The following RET variants were observed in gnomAD, a reference collection of about 807,000 sequenced individuals.
RET encodes the protein proto-oncogene tyrosine-protein kinase receptor Ret.
A neutral mutation model predicts 118.3 loss-of-function variants in RET; 19 were observed. That is an observed-to-expected ratio of 0.16 (90% confidence interval 0.11 to 0.24). The LOEUF is 0.24. Among genes scored for constraint, RET ranks in the 10% least tolerant of loss-of-function variants. The pLI, the probability that RET is intolerant of heterozygous loss-of-function variation, is 1.00. For synonymous variants in RET, 597 were observed against 644.1 expected, an observed-to-expected ratio of 0.93 and a Z score of 1.11; for missense variants, 1,219 against 1,502.1, an observed-to-expected ratio of 0.81 and a Z score of 3.12.
At chr10:43,127,525 C>A in intron 19 of RET, 4 of 986,386 alleles carry the variant, frequency 4.1e-6, no homozygotes, top group Non-Finnish European at 4.9e-6. Context: ...CTAACTTCAT[C>A]ATTGATTGTT....
intron 1 of RET, among the ~76,000 whole-genome samples, chr10:43,095,278 G>C (rs1191931875): frequency 6.6e-6 from 1 of 152,116 alleles, no homozygotes; most frequent in Non-Finnish European, 1.5e-5. Flanking sequence ...TATGTGCTAG[G>C]GTGGAGCACA....
Position 43,114,409 on chromosome 10 carries a change from G to A in RET, c.1880-71G>A. 2 of 1,591,008 alleles carry A rather than the reference G, an allele frequency of 1.3e-6. No homozygotes were observed. Among genetic ancestry groups the A allele is most frequent in the African/African-American group, 1.3e-5 (1 of 74,836 alleles). ...GCAGGCTGGAGAGCCATGAGGCAGA[G>A]CATACGCAGCCTGTACCCAGTGGTG... On this transcript the variant is annotated intron_variant, in intron 10 of 19. Transcript: ENST00000355710. The surrounding 1 kb of genome is among the most constrained non-coding windows in gnomAD (Gnocchi z 4.6).
chr10:43,079,743 G>A (rs1837136734), intron 1 of RET, among the ~76,000 whole-genome samples: 2 of 152,186 alleles, frequency 1.3e-5, no homozygotes, highest in Non-Finnish European at 2.9e-5. Context: ...TGACTTGGCA[G>A]GGCCCGGATC....
chr10:43,118,905 T>C (rs1028035521), intron 13 of RET, among the ~76,000 whole-genome samples: 5 of 152,302 alleles, frequency 3.3e-5, no homozygotes, highest in African/African-American at 4.8e-5. Context: ...GGCAGGAACA[T>C]TGTCACCATT....
At chr10:43,113,868 A>G (rs994422771) in intron 10 of RET, among the ~76,000 whole-genome samples, 193 bp downstream of exon 10, 1 of 152,214 alleles carries the variant, frequency 6.6e-6, no homozygotes, top group African/African-American at 2.4e-5. Context: ...TCTTCTGGCC[A>G]TAAGTTCTAT....
intron 6 of RET, among the ~76,000 whole-genome samples, chr10:43,110,910 G>C (rs560424284): frequency 1.3e-5 from 2 of 152,298 alleles, no homozygotes; most frequent in South Asian, 2.1e-4. Flanking sequence ...GGCCTGCCTG[G>C]GGCTTTTCCT....
intron 1 of RET, among the ~76,000 whole-genome samples, chr10:43,079,846 C>G (rs1425051154): frequency 6.6e-6 from 1 of 152,154 alleles, no homozygotes; most frequent in Non-Finnish European, 1.5e-5. Context: ...GCCAGGGGTA[C>G]AGCTCCCCCT....
rs763166382 is a variant in RET at position 43,104,907 on chromosome 10, T to A, written c.626-45T>A. The A allele has an allele frequency of 8.4e-6, 13 of 1,540,168 alleles. No individual in the cohort carries two copies. Among genetic ancestry groups the A allele is most frequent in the Admixed American group, 7.8e-5 (4 of 51,414 alleles). On this transcript the variant is annotated intron_variant, in intron 3 of 19. Transcript: ENST00000355710. ...TTCCCGAGGAAAGCGGCTGGCCCGG[T>A]CCCGGCTGGTGATCACGCGGGGCCC... is the stretch of plus-strand genomic sequence containing the variant.
At chr10:43,104,119 G>A (rs1227752639) in intron 3 of RET, among the ~76,000 whole-genome samples, 1 of 152,196 alleles carries the variant, frequency 6.6e-6, no homozygotes, top group Non-Finnish European at 1.5e-5. Flanking sequence ...GCCTGGCGAC[G>A]CACTGGACAA....
intron 7 of RET, among the ~76,000 whole-genome samples, 195 bp downstream of exon 7, chr10:43,111,660 T>C (rs1837936398): frequency 6.6e-6 from 1 of 152,178 alleles, no homozygotes; most frequent in Non-Finnish European, 1.5e-5. Context: ...TTGGGTAAAT[T>C]TGAATTTTGG....
chr10:43,126,530 G>A (rs375271409), intron 18 of RET, 45 bp from the exon 19 acceptor site: 3 of 1,544,688 alleles, frequency 1.9e-6, no homozygotes, highest in South Asian at 1.1e-5. Flanking sequence ...GTTGTATCTA[G>A]TTGTGGCACA....
intron 9 of RET, 33 bp from the exon 10 acceptor site, chr10:43,113,523 C>T (rs747408442): frequency 1.2e-4 from 183 of 1,585,884 alleles, no homozygotes; most frequent in Non-Finnish European, 1.4e-4. Flanking sequence ...GTCAGGCGCC[C>T]CAGGAGGCTG....
chr10:43,092,395 T>A (rs1338717084), intron 1 of RET, among the ~76,000 whole-genome samples: 1 of 152,232 alleles, frequency 6.6e-6, no homozygotes, highest in East Asian at 1.9e-4. Flanking sequence ...AAGGATGGTT[T>A]GCATGGCAGT....
chr10:43,124,816 T>C (rs144113725), intron 17 of RET, 67 bp from the exon 18 acceptor site: 4 of 1,489,360 alleles, frequency 2.7e-6, no homozygotes, highest in Admixed American at 3.3e-5. Flanking sequence ...GCGATGGCTG[T>C]GGTGGGCTGT....
chr10:43,109,621 G>A (rs1837869602), intron 6 of RET, among the ~76,000 whole-genome samples: 2 of 152,208 alleles, frequency 1.3e-5, no homozygotes, highest in African/African-American at 2.4e-5. Flanking sequence ...TTCCCTGACA[G>A]GGATCTGCAA....
intron 15 of RET, among the ~76,000 whole-genome samples, chr10:43,120,786 C>T (rs1305175907): frequency 2.6e-5 from 4 of 152,170 alleles, no homozygotes; most frequent in South Asian, 2.1e-4. Context: ...GTCCTAGTCC[C>T]GGGACAACTG....
intron 3 of RET, among the ~76,000 whole-genome samples, chr10:43,103,212 G>A (rs1171733289): frequency 6.6e-6 from 1 of 152,128 alleles, no homozygotes. Flanking sequence ...AGGAACATGG[G>A]GAGCTATGGA....
intron 7 of RET, among the ~76,000 whole-genome samples, chr10:43,111,836 T>C (rs765598367): frequency 7.9e-5 from 12 of 152,218 alleles, no homozygotes; most frequent in Non-Finnish European, 1.3e-4. Flanking sequence ...CAGGGCGTCG[T>C]TGGCTGAATC....
intron 6 of RET, among the ~76,000 whole-genome samples, chr10:43,110,374 G>A (rs1028299555): frequency 3.3e-5 from 5 of 152,340 alleles, no homozygotes; most frequent in Middle Eastern, 3.4e-3. Flanking sequence ...GTAGGGGAAA[G>A]TGAGGAGGCC....
Sources: allele counts gnomAD v4.1 joint callset (sites outside exome capture counted in the v4.1 genomes callset), GRCh38; gene constraint gnomAD v4.1.1; non-coding constraint Gnocchi (gnomAD v3.1); transcripts MANE v1.5; gene names NCBI Gene and HGNC (gene_info 2026-07-23, HGNC 2026-07-21).